The following KIAA1328 variants were observed in gnomAD, a reference collection of about 807,000 sequenced individuals.
KIAA1328 encodes protein hinderin.
Under a neutral mutation model 68.1 loss-of-function variants are expected in KIAA1328, and 52 were observed. The observed-to-expected ratio is 0.76, with a 90% CI of 0.61 to 0.96. KIAA1328 has a LOEUF of 0.96. Ranked by LOEUF, KIAA1328 falls within the 40% of genes least tolerant of loss-of-function variation. KIAA1328 has a pLI of 0.00. For synonymous variants in KIAA1328, 232 were observed against 239.4 expected, an observed-to-expected ratio of 0.97 and a Z score of 0.28; for missense variants, 641 against 677.6, an observed-to-expected ratio of 0.95 and a Z score of 0.60.
chr18:37,227,092 C>T (rs1701395987), downstream of KIAA1328, among the ~76,000 whole-genome samples: 2 of 152,168 alleles, frequency 1.3e-5, no homozygotes, highest in African/African-American at 4.8e-5. Context: ...TGTATGGACA[C>T]TCCCTTAAAC....
At chr18:36,847,292 TAA>T (rs1041566288) in intron 4 of KIAA1328, among the ~76,000 whole-genome samples, 17 of 151,704 alleles carry the variant, frequency 1.1e-4, no homozygotes, top group African/African-American at 3.6e-4. Context: ...AATTATATGT[TAA>T]GTGTGTCTAT....
chr18:37,079,067 C>G (rs1264253434), intron 7 of KIAA1328, among the ~76,000 whole-genome samples: 1 of 150,616 alleles, frequency 6.6e-6, no homozygotes, highest in African/African-American at 2.5e-5. Context: ...ATAGCAAAGA[C>G]TTGGAACCAA....
intron 9 of KIAA1328, among the ~76,000 whole-genome samples, chr18:37,179,937 G>A (rs2059667045): frequency 6.6e-6 from 1 of 151,906 alleles, no homozygotes; most frequent in African/African-American, 2.4e-5. Flanking sequence ...CACACTGCCA[G>A]TAACCATTCA....
intron 7 of KIAA1328, among the ~76,000 whole-genome samples, chr18:37,158,752 A>G (rs1429082190): frequency 6.6e-6 from 1 of 152,096 alleles, no homozygotes; most frequent in African/African-American, 2.4e-5. Flanking sequence ...GCTTCTGTGA[A>G]AATGCTGTAA....
At chr18:37,041,640 TTGTGTGTGTGTGTGTGTG>T (rs56237948) in intron 6 of KIAA1328, among the ~76,000 whole-genome samples, 2 of 146,910 alleles carry the variant, frequency 1.4e-5, no homozygotes, top group Admixed American at 6.8e-5. Flanking sequence ...TTTTTTGTGT[TTGTGTGTGTGTGTGTGTG>T]TGTGTGTGTG....
chr18:36,863,760 T>G lies in KIAA1328; in HGVS notation c.332+19458T>G, dbSNP rs542458642. Among the ~76,000 whole-genome samples, 169 of 152,298 alleles carry G rather than the reference T, an allele frequency of 1.1e-3. 1 individual carries two copies. Among genetic ancestry groups the G allele is most frequent in the African/African-American group, 3.9e-3 (164 of 41,570 alleles). ...TCTTATATCTAAGTATTTAATTTTC[T>G]TTGGTGCAATTGTAAAAGGTATTAT... On this transcript the variant is annotated intron_variant, in intron 4 of 9. Transcript: ENST00000280020.
At position 37,192,173 on chromosome 18, in the gene KIAA1328, G is replaced by GTA. The variant is rs1281820535; in HGVS notation, c.1523+19093_1523+19094insAT. Among the ~76,000 whole-genome samples, 7 of 150,360 alleles carry GTA rather than the reference G, an allele frequency of 4.7e-5. No individual in the cohort carries two copies. In the East Asian group the frequency reaches 9.7e-4, roughly 21 times the overall value. On this transcript the variant is annotated intron_variant, in intron 9 of 9. Coordinates refer to ENST00000280020, the MANE Select transcript of KIAA1328 (RefSeq NM_020776.3). ...TGTGTGTGTGTGTGTGTGTGTGTGT[G>GTA]TGTATGTGTGTATGTGTGTTGCGTG...
At chr18:36,864,973 CT>C (rs569309902) in intron 4 of KIAA1328, among the ~76,000 whole-genome samples, 130 of 139,452 alleles carry the variant, frequency 9.3e-4, no homozygotes, top group Middle Eastern at 4.0e-3. Flanking sequence ...AGTTTATTGA[CT>C]TTTTTTTTTC....
chr18:36,848,403 A>G (rs1232246188), intron 4 of KIAA1328, among the ~76,000 whole-genome samples: 1 of 151,222 alleles, frequency 6.6e-6, no homozygotes, highest in Non-Finnish European at 1.5e-5. Flanking sequence ...TTTAACATAT[A>G]TTGGCTTGGT....
At chr18:37,057,100 G>A (rs1447000708) in intron 6 of KIAA1328, among the ~76,000 whole-genome samples, 1 of 151,992 alleles carries the variant, frequency 6.6e-6, no homozygotes, top group East Asian at 1.9e-4. Context: ...CATTCATGTA[G>A]CTCATTTTTA....
intron 6 of KIAA1328, among the ~76,000 whole-genome samples, chr18:37,025,913 C>CA (rs1462129407): frequency 2.0e-5 from 3 of 152,032 alleles, no homozygotes; most frequent in Non-Finnish European, 4.4e-5. Context: ...AAAAACCCTT[C>CA]AAAAAATCAA....
chr18:36,921,957 C>T (rs186568760), intron 5 of KIAA1328, among the ~76,000 whole-genome samples: 34 of 151,802 alleles, frequency 2.2e-4, no homozygotes, highest in African/African-American at 6.3e-4. Context: ...GACAGAGTCT[C>T]GCTCTTGTCC....
At chr18:37,198,683 C>A (rs1407987610) in intron 9 of KIAA1328, among the ~76,000 whole-genome samples, 1 of 152,222 alleles carries the variant, frequency 6.6e-6, no homozygotes. Context: ...AGAGAAGGAT[C>A]ATGTCCTTCA....
intron 6 of KIAA1328, among the ~76,000 whole-genome samples, chr18:36,982,642 G>T (rs548901095): frequency 6.6e-6 from 1 of 151,994 alleles, no homozygotes; most frequent in East Asian, 1.9e-4. Flanking sequence ...GTTAAAGGAA[G>T]TCTTTCATAA....
Position 37,013,893 on chromosome 18 carries a change from T to C in KIAA1328, c.577-52997T>C, listed in dbSNP as rs575916795. ...GGATTGGTTGGTTGAATGGCAGTTC[T>C]GTTTTAAGTTTCTTGAGAAATCTCC... On this transcript the variant is annotated intron_variant, in intron 6 of 9. Transcript: ENST00000280020. 1.4e-4 allele frequency among the ~76,000 whole-genome samples: 21 copies of C among 152,384 alleles called. No homozygotes were observed. In the South Asian group the frequency reaches 4.3e-3, roughly 32 times the overall value.
intron 6 of KIAA1328, chr18:37,063,762 A>G (rs1292379786): frequency 1.5e-6 from 1 of 673,542 alleles, no homozygotes; most frequent in Non-Finnish European, 1.8e-6. Context: ...GATTTTGTGG[A>G]TAATTTCACA....
At chr18:37,084,091 C>G (rs1311925615) in intron 7 of KIAA1328, 2 of 1,323,854 alleles carry the variant, frequency 1.5e-6, no homozygotes, top group Admixed American at 6.3e-5. Flanking sequence ...TCAGGCTTCA[C>G]AAGATTAGAA....
intron 6 of KIAA1328, among the ~76,000 whole-genome samples, chr18:36,962,831 A>C (rs572780168): frequency 7.4e-4 from 113 of 152,294 alleles, no homozygotes; most frequent in African/African-American, 2.3e-3. Context: ...GTGTAGAGGG[A>C]AATTTATAGC....
intron 5 of KIAA1328, among the ~76,000 whole-genome samples, chr18:36,916,063 A>G (rs932728501): frequency 3.3e-5 from 5 of 152,114 alleles, no homozygotes; most frequent in Non-Finnish European, 2.9e-5. Flanking sequence ...TTCTAAATGT[A>G]GTTTTGTTTT....
Sources: gnomAD v4.1 joint callset for allele counts (sites outside exome capture counted in the v4.1 genomes callset) on GRCh38, gnomAD v4.1.1 for gene constraint, MANE v1.5 for transcripts, NCBI Gene and HGNC (gene_info 2026-07-23, HGNC 2026-07-21) for gene names.